Variants in NAXD observed in about 807,000 individuals in gnomAD.
The protein encoded by NAXD is NAD(P)HX dehydratase, also known as ATP-dependent (S)-NAD(P)H-hydrate dehydratase.
A neutral mutation model predicts 35.8 loss-of-function variants in NAXD; 22 were observed. That is an observed-to-expected ratio of 0.62 (90% confidence interval 0.44 to 0.88). The LOEUF (loss-of-function observed/expected upper bound fraction) is 0.88. Ranked by LOEUF, NAXD falls within the 40% of genes least tolerant of loss-of-function variation. NAXD has a pLI of 0.00. For missense variants in NAXD, 428 were observed against 437.7 expected, an observed-to-expected ratio of 0.98 and a Z score of 0.20; for synonymous variants, 189 against 177.6, an observed-to-expected ratio of 1.06 and a Z score of -0.51.
In NAXD at chr13:110,628,656, C is replaced by A. The variant is rs1886588268; in HGVS notation, c.441+1109C>A. Among the ~76,000 whole-genome samples the A allele has an allele frequency of 6.6e-6, 1 of 152,108 alleles. No individual in the cohort carries two copies. Among genetic ancestry groups the A allele is most frequent in the Non-Finnish European group, 1.5e-5 (1 of 68,020 alleles). ...AAGCGGCGTGGAGTCAGCACGGGAG[C>A]CCGTCTTTGAGCTTTAAGGTCTTAC... is the stretch of plus-strand genomic sequence containing the variant. On this transcript the variant is annotated intron_variant, in intron 5 of 9. Transcript: ENST00000680254. This position sits in a 1 kb window ranked among gnomAD's most constrained non-coding sequence, Gnocchi z 4.1.
In NAXD at chr13:110,639,877, A is replaced by G. The variant is rs1232831228; in HGVS notation, c.*1349A>G. 1 of 152,250 alleles carries G rather than the reference A, an allele frequency of 6.6e-6. No individual in the cohort carries two copies. Among genetic ancestry groups the G allele is most frequent in the Non-Finnish European group, 1.5e-5 (1 of 68,044 alleles). The allele number at this position is 152,250 out of a possible 1,614,324, so 9.4% of individuals were successfully genotyped here. ...CACTACTAATTTGACGCCTAACTTCAGAAGCTTCACTGTCTACATGTGAAC... is the reference window on the plus strand; with the variant it reads ...CACTACTAATTTGACGCCTAACTTCGGAAGCTTCACTGTCTACATGTGAAC... On this transcript the variant is annotated 3_prime_UTR_variant, in exon 10 of 10. Coordinates refer to ENST00000680254, the MANE Select transcript of NAXD (RefSeq NM_001242882.2).
At position 110,627,562 on chromosome 13, in the gene NAXD, C is replaced by A; in HGVS notation, c.441+15C>A. On this transcript the variant is annotated intron_variant, in intron 5 of 9. Transcript: ENST00000680254. ...GAAATGTCCAGGTAATGTGTATACT[C>A]ACTCACTTCCCTCATGACAGGCTTA... 6.5e-7 allele frequency: 1 copy of A among 1,545,264 alleles called. No individual in the cohort carries two copies. The highest frequency in any genetic ancestry group is 8.9e-7 in the Non-Finnish European group (1 of 1,117,674).
intron 4 of NAXD, among the ~76,000 whole-genome samples, chr13:110,626,924 A>G (rs1886507329): frequency 6.6e-6 from 1 of 152,130 alleles, no homozygotes. Flanking sequence ...TAAGCACACA[A>G]AGTAGGCTTT....
Position 110,624,674 on chromosome 13 carries a change from C to G in NAXD, c.243+395C>G, listed in dbSNP as rs149633371. On this transcript the variant is annotated intron_variant, in intron 3 of 9. Coordinates refer to ENST00000680254, the MANE Select transcript of NAXD (RefSeq NM_001242882.2). The stretch of plus-strand genomic sequence containing the variant: ...TCAGGTTTTCTCTCTGTTGGTCAGG[C>G]TGGTCTCGAACTCCTGACCTCACGT... Among the ~76,000 whole-genome samples the G allele has an allele frequency of 8.7e-3, 1,320 of 152,298 alleles. 18 individuals are homozygous for G. Among genetic ancestry groups the G allele is most frequent in the African/African-American group, 0.03 (1,258 of 41,554 alleles).
intron 5 of NAXD, among the ~76,000 whole-genome samples, chr13:110,629,955 G>A (rs912024822): frequency 2.6e-5 from 4 of 152,148 alleles, no homozygotes; most frequent in Non-Finnish European, 4.4e-5. Context: ...TTTGGTTTGC[G>A]TTTTCCTGGC....
At chr13:110,617,241 G>C (rs551659054) in intron 1 of NAXD, among the ~76,000 whole-genome samples, 15 of 152,158 alleles carry the variant, frequency 9.9e-5, no homozygotes, top group African/African-American at 3.1e-4. Context: ...TTTTTAAGTA[G>C]AATTTTCCAG....
At chr13:110,617,507 A>G (rs1365258404) in intron 1 of NAXD, among the ~76,000 whole-genome samples, 1 of 152,208 alleles carries the variant, frequency 6.6e-6, no homozygotes, top group Non-Finnish European at 1.5e-5. Context: ...GCCAGCTGGA[A>G]CTTGCTTCAC....
At chr13:110,629,818 C>A (rs1295382809) in intron 5 of NAXD, among the ~76,000 whole-genome samples, 1 of 152,172 alleles carries the variant, frequency 6.6e-6, no homozygotes, top group Non-Finnish European at 1.5e-5. Context: ...CCCATAGCGG[C>A]TGCACTATTT....
In NAXD at chr13:110,638,416, C is replaced by T. The variant is rs1266194071; in HGVS notation, c.878C>T (p.Ser293Phe). 10 of 1,613,568 alleles carry T rather than the reference C, an allele frequency of 6.2e-6. No homozygotes were observed. In the South Asian group the frequency reaches 7.7e-5, roughly 12 times the overall value. Residue 293 changes from serine (S) to phenylalanine (F), a missense_variant, in exon 10 of 10, where the codon TCT (serine) becomes TTT (phenylalanine). Coordinates refer to ENST00000680254, the MANE Select transcript of NAXD (RefSeq NM_001242882.2). The surrounding 1 kb of genome is among the most constrained non-coding windows in gnomAD (Gnocchi z 5.4). ...PLLVAAFGAC[S>F]LTRQCNHQAF... The stretch of plus-strand genomic sequence containing the variant: ...CTGGTGGCCGCGTTTGGCGCCTGCT[C>T]TCTCACCAGGCAGTGCAACCACCAA...
intron 5 of NAXD, among the ~76,000 whole-genome samples, chr13:110,629,821 C>T (rs1322217461): frequency 1.3e-5 from 2 of 152,164 alleles, no homozygotes; most frequent in Non-Finnish European, 2.9e-5. Context: ...ATAGCGGCTG[C>T]ACTATTTTCC....
At chr13:110,630,174 G>A (rs1205401370) in intron 5 of NAXD, among the ~76,000 whole-genome samples, 5 of 151,858 alleles carry the variant, frequency 3.3e-5, no homozygotes, top group Admixed American at 6.6e-5. Flanking sequence ...GACTACAGGC[G>A]CCCACCATCA....
intron 5 of NAXD, among the ~76,000 whole-genome samples, chr13:110,631,500 T>G (rs1886695662): frequency 6.6e-6 from 1 of 152,216 alleles, no homozygotes; most frequent in Admixed American, 6.5e-5. Context: ...CCTTCTGCGC[T>G]GGGTGCTCTG....
In NAXD at chr13:110,615,601, G is replaced by A; in HGVS notation, c.-1G>A. ...CAGCTGGGAATCCGGAATGCTGCCC[G>A]ATGGCCCTGGGTCCTCGCTGTGGGG... is the stretch of plus-strand genomic sequence containing the variant. On this transcript the variant is annotated 5_prime_UTR_variant, in exon 1 of 10. Transcript: ENST00000680254. 6.4e-6 allele frequency: 9 copies of A among 1,403,712 alleles called. No individual in the cohort carries two copies. Among genetic ancestry groups the A allele is most frequent in the Non-Finnish European group, 7.4e-6 (8 of 1,079,696 alleles). The allele number at this position is 1,403,712 out of a possible 1,614,324, so 87.0% of individuals were successfully genotyped here. A position where few individuals can be genotyped will look rare whatever the true frequency, so the allele number is the denominator to read the frequency against.
At chr13:110,615,716 G>A (rs201257355) in intron 1 of NAXD, 69 bp downstream of exon 1, 4 of 1,515,576 alleles carry the variant, frequency 2.6e-6, no homozygotes. Context: ...TCGCCGGCGC[G>A]GTCGTTGTCG....
At chr13:110,620,238 A>G (rs1275818106) in intron 1 of NAXD, among the ~76,000 whole-genome samples, 5 of 152,022 alleles carry the variant, frequency 3.3e-5, no homozygotes, top group Non-Finnish European at 7.4e-5. Flanking sequence ...CCCACAGTTT[A>G]TAGTGATTCT....
chr13:110,638,455 A>G lies in NAXD; in HGVS notation c.917A>G (p.His306Arg), dbSNP rs1479013053. 2 of 1,613,392 alleles carry G rather than the reference A, an allele frequency of 1.2e-6. No homozygotes were observed. Among genetic ancestry groups the G allele is most frequent in the Admixed American group, 3.3e-5 (2 of 59,988 alleles). ...TGCAACCACCAAGCCTTCCAGAAGC[A>G]CGGTCGCTCCACCACCACCTCCGAC... ...RQCNHQAFQK[H>R]GRSTTTSDMI... Residue 306 changes from histidine (H) to arginine (R), a missense_variant, in exon 10 of 10, where the codon CAC becomes CGC. By Grantham distance (29) the His-to-Arg change is conservative. Around this residue, in one of 3 missense-constraint regions of NAXD, gnomAD observed 209 missense variants for 214.6 expected, o/e 0.97. Transcript: ENST00000680254. The surrounding 1 kb of genome is among the most constrained non-coding windows in gnomAD (Gnocchi z 5.4).
chr13:110,615,704 C>T (rs28384427), intron 1 of NAXD, 57 bp downstream of exon 1: 3 of 1,518,400 alleles, frequency 2.0e-6, no homozygotes, highest in African/African-American at 1.4e-5. Context: ...CCGGAACTGC[C>T]GTCGCCGGCG....
Position 110,635,567 on chromosome 13 carries a change from A to C in NAXD, c.697A>C (p.Ile233Leu). The C allele has an allele frequency of 6.2e-7, 1 of 1,614,070 alleles. No homozygotes were observed. The highest frequency in any genetic ancestry group is 8.5e-7 in the Non-Finnish European group (1 of 1,180,000). Residue 233 changes from isoleucine to leucine, a missense_variant, in exon 8 of 10, where the codon ATC becomes CTC. By Grantham distance (5) the Ile-to-Leu change is conservative (BLOSUM62 2). This residue lies in a region of NAXD where 209 missense variants were observed against 214.6 expected (regional missense o/e 0.97). Coordinates refer to ENST00000680254, the MANE Select transcript of NAXD (RefSeq NM_001242882.2). ...GGTGGTCCAGAAAGGAGAGCGCGAC[A>C]TCCTCTCCAACGGCCAGCAGGGTGA... Reference protein sequence around the residue: ...VTVVQKGERDILSNGQQVLVC... With the variant: ...VTVVQKGERDLLSNGQQVLVC...
intron 1 of NAXD, among the ~76,000 whole-genome samples, chr13:110,621,875 C>A (rs931396076): frequency 1.4e-4 from 21 of 151,932 alleles, no homozygotes; most frequent in African/African-American, 4.8e-4. Context: ...ACTGAAAATA[C>A]AAAAATTAGC....
Sources: gnomAD v4.1 joint callset for allele counts (sites outside exome capture counted in the v4.1 genomes callset) on GRCh38, gnomAD v4.1.1 for gene constraint, gnomAD v4.1.1 regional missense constraint, Gnocchi (gnomAD v3.1) non-coding constraint, MANE v1.5 for transcripts, NCBI Gene and HGNC (gene_info 2026-07-23, HGNC 2026-07-21) for gene names.